The following KCNIP1 variants were observed in gnomAD, a reference collection of about 807,000 sequenced individuals.
KCNIP1 encodes potassium voltage-gated channel interacting protein 1.
A neutral mutation model predicts 33.0 loss-of-function variants in KCNIP1; 18 were observed. That is an observed-to-expected ratio of 0.55 (90% CI 0.38 to 0.81). The LOEUF is 0.81. Among genes scored for constraint, KCNIP1 ranks in the 30% least tolerant of loss-of-function variants. The pLI is 0.00. For synonymous variants in KCNIP1, 93 were observed against 98.3 expected (o/e 0.95, Z 0.32); for missense variants, 238 against 271.6 (o/e 0.88, Z 0.87).
chr5:170,682,092 A>G (rs1762370492), intron 1 of KCNIP1, among the ~76,000 whole-genome samples: 1 of 152,256 alleles, frequency 6.6e-6, no homozygotes. Context: ...GTACATAATA[A>G]TGAAATGCAT....
chr5:170,366,354 C>A lies in KCNIP1; in HGVS notation c.88+12390C>A, dbSNP rs1355177378. 2.0e-5 allele frequency among the ~76,000 whole-genome samples: 3 copies of A among 152,238 alleles called. No homozygotes were observed. The East Asian group carries it at 5.8e-4, about 29-fold the overall frequency. On this transcript the variant is annotated intron_variant, in intron 1 of 7. Coordinates refer to the KCNIP1 transcript ENST00000377360. ...GACCTGGATGTCGTGGCAGTCACTG[C>A]ACCCTGGGTCAGAGCCCCCTGAGGA... is the stretch of plus-strand genomic sequence containing the variant.
At chr5:170,546,643 T>C (rs62394284) in intron 1 of KCNIP1, among the ~76,000 whole-genome samples, 8,321 of 152,280 alleles carry the variant, frequency 0.055, 354 homozygotes, top group East Asian at 0.2. Context: ...TCCACAGCTT[T>C]CTGATGTCTT....
At chr5:170,587,805 TTACCATGTAAGGTAA>T (rs1758055936) in intron 1 of KCNIP1, among the ~76,000 whole-genome samples, 1 of 152,246 alleles carries the variant, frequency 6.6e-6, no homozygotes. Flanking sequence ...AAAATCTCTC[TTACCATGTAAGGTAA>T]CATATTCACA....
intron 1 of KCNIP1, among the ~76,000 whole-genome samples, chr5:170,712,199 G>A (rs537326152): frequency 2.7e-4 from 41 of 152,260 alleles, no homozygotes; most frequent in African/African-American, 9.9e-4. Flanking sequence ...GGACTTGGCC[G>A]GCATCCACTC....
intron 1 of KCNIP1, among the ~76,000 whole-genome samples, chr5:170,371,711 C>G (rs1763850605): frequency 6.6e-6 from 1 of 152,200 alleles, no homozygotes; most frequent in African/African-American, 2.4e-5. Context: ...CAAATGCTAG[C>G]CCTTATTACC....
intron 1 of KCNIP1, among the ~76,000 whole-genome samples, chr5:170,408,820 A>G (rs1175488986): frequency 6.6e-6 from 1 of 152,242 alleles, no homozygotes; most frequent in Non-Finnish European, 1.5e-5. Flanking sequence ...AGAGCAGCAG[A>G]GTGAAGGCTC....
intron 1 of KCNIP1, among the ~76,000 whole-genome samples, chr5:170,584,375 T>C (rs544403985): frequency 6.6e-6 from 1 of 152,312 alleles, no homozygotes; most frequent in Admixed American, 6.5e-5. Context: ...CTCCTGGGCC[T>C]GTTCATGGTG....
intron 1 of KCNIP1, among the ~76,000 whole-genome samples, chr5:170,386,591 C>T (rs3789178): frequency 0.21 from 32,066 of 151,916 alleles, 3,489 homozygotes; most frequent in South Asian, 0.27. Flanking sequence ...TGTGGCAGGG[C>T]TAGCTGGGCC....
intron 1 of KCNIP1, among the ~76,000 whole-genome samples, chr5:170,521,756 G>C (rs183137846): frequency 2.4e-4 from 37 of 152,280 alleles, no homozygotes; most frequent in African/African-American, 7.9e-4. Flanking sequence ...AAGGAGGTAG[G>C]CCTAGGCTAG....
At chr5:170,671,545 G>T (rs932881760) in intron 1 of KCNIP1, among the ~76,000 whole-genome samples, 1 of 152,068 alleles carries the variant, frequency 6.6e-6, no homozygotes, top group African/African-American at 2.4e-5. Flanking sequence ...TGCTGTCATG[G>T]CCCTGAGTAT....
chr5:170,358,758 T>C (rs192104691), intron 1 of KCNIP1, among the ~76,000 whole-genome samples: 2 of 152,266 alleles, frequency 1.3e-5, no homozygotes, highest in East Asian at 1.9e-4. Context: ...ATCCTGGAGG[T>C]AGGGATTGCA....
At chr5:170,727,523 A>G (rs1764052960) in intron 5 of KCNIP1, among the ~76,000 whole-genome samples, 1 of 152,254 alleles carries the variant, frequency 6.6e-6, no homozygotes, top group African/African-American at 2.4e-5. Flanking sequence ...CCTAACCAAT[A>G]GAAGACACTC....
chr5:170,432,032 T>C (rs1284265497), intron 1 of KCNIP1, among the ~76,000 whole-genome samples: 1 of 149,168 alleles, frequency 6.7e-6, no homozygotes, highest in Non-Finnish European at 1.5e-5. Context: ...GTCTCTCTCT[T>C]TCTCTTTTTT....
At chr5:170,372,567 G>T (rs1028678191) in intron 1 of KCNIP1, among the ~76,000 whole-genome samples, 10 of 152,040 alleles carry the variant, frequency 6.6e-5, no homozygotes, top group Admixed American at 3.9e-4. Context: ...GGCCCACCAA[G>T]AGTTATCTCA....
intron 1 of KCNIP1, among the ~76,000 whole-genome samples, chr5:170,368,618 A>G (rs1763763121): frequency 6.6e-6 from 1 of 152,226 alleles, no homozygotes; most frequent in Non-Finnish European, 1.5e-5. Flanking sequence ...ATAAGCATCC[A>G]TATTTAATCA....
chr5:170,545,112 C>T (rs1756363623), intron 1 of KCNIP1, among the ~76,000 whole-genome samples: 2 of 151,994 alleles, frequency 1.3e-5, no homozygotes, highest in South Asian at 4.1e-4. Context: ...CTGAAAATGT[C>T]TTTATTTTGT....
intron 1 of KCNIP1, among the ~76,000 whole-genome samples, chr5:170,487,032 C>T (rs1195273600): frequency 6.6e-6 from 1 of 152,126 alleles, no homozygotes; most frequent in African/African-American, 2.4e-5. Flanking sequence ...CACACATGCA[C>T]ACACACAGAC....
intron 1 of KCNIP1, among the ~76,000 whole-genome samples, chr5:170,595,332 G>C (rs1044924624): frequency 2.6e-5 from 4 of 152,258 alleles, no homozygotes; most frequent in African/African-American, 7.2e-5. Context: ...CGTCTGAGGG[G>C]CTGTGCCCAG....
At chr5:170,483,183 C>T (rs1446669080) in intron 1 of KCNIP1, 1 of 410,096 alleles carries the variant, frequency 2.4e-6, no homozygotes, top group Non-Finnish European at 4.8e-6. Flanking sequence ...TCATCCAGGC[C>T]TGAAAATCAT....
Sources: allele counts gnomAD v4.1 joint callset (sites outside exome capture counted in the v4.1 genomes callset), GRCh38; gene constraint gnomAD v4.1.1; transcripts MANE v1.5; gene names NCBI Gene and HGNC (gene_info 2026-07-23, HGNC 2026-07-21).